The following RFX3 variants were observed in gnomAD, a reference collection of about 807,000 sequenced individuals.
RFX3 encodes the protein regulatory factor X3, also known as transcription factor RFX3.
In RFX3, 14 loss-of-function variants were observed where a neutral mutation model predicts 98.6. The observed-to-expected ratio is 0.14, with a 90% CI of 0.09 to 0.22. The LOEUF (loss-of-function observed/expected upper bound fraction) is 0.22. Ranked by LOEUF, RFX3 falls within the 10% of genes least tolerant of loss-of-function variation. The pLI is 1.00. For synonymous variants in RFX3, 383 were observed against 328.4 expected, an observed-to-expected ratio of 1.17 and a Z score of -1.80; for missense variants, 639 against 926.9, an observed-to-expected ratio of 0.69 and a Z score of 4.03.
intron 1 of RFX3, among the ~76,000 whole-genome samples, chr9:3,466,274 A>C (rs1205762764): frequency 6.6e-6 from 1 of 152,226 alleles, no homozygotes; most frequent in African/African-American, 2.4e-5. Context: ...GCTTAAGGTC[A>C]TATAGCCAAA....
rs201172509 is a variant in RFX3, at chr9:3,251,851, C to CT, written c.1815-3667dup. Among the ~76,000 whole-genome samples the CT allele has an allele frequency of 1.9e-3, 286 of 151,488 alleles. 7 individuals are homozygous for CT. In the East Asian group the frequency reaches 0.038, roughly 20 times the overall value. ...TTTAGGCCTTTCTATTTCTCTTTCT[C>CT]TTTTTTTTGTTTTTGAGATGGAGTC... On this transcript the variant is annotated intron_variant, in intron 14 of 16. Coordinates refer to ENST00000617270, the MANE Select transcript of RFX3 (RefSeq NM_001282116.2).
intron 2 of RFX3, among the ~76,000 whole-genome samples, chr9:3,375,360 G>A (rs1238861303): frequency 6.6e-6 from 1 of 152,164 alleles, no homozygotes; most frequent in Non-Finnish European, 1.5e-5. Context: ...ACCACACCAT[G>A]ATGTAGCTTA....
At chr9:3,427,447 T>C (rs980041947) in intron 1 of RFX3, among the ~76,000 whole-genome samples, 7 of 144,164 alleles carry the variant, frequency 4.9e-5, no homozygotes, top group Non-Finnish European at 7.5e-5. Flanking sequence ...TATATTGTTA[T>C]ATAATAATAC....
intron 15 of RFX3, among the ~76,000 whole-genome samples, chr9:3,231,486 G>T (rs1818437263): frequency 3.3e-5 from 5 of 152,116 alleles, no homozygotes; most frequent in Admixed American, 2.0e-4. Flanking sequence ...GATCAATTTG[G>T]AAATATTCCT....
Position 3,301,616 on chromosome 9 carries a change from T to G in RFX3, c.479A>C (p.Glu160Ala). ...HTTRASPATIEMAIETLQKSD... is the reference protein window; with the variant it reads ...HTTRASPATIAMAIETLQKSD... ...CTTTTGCAGCGTCTCAATCGCCATT[T>G]CAATCTGATAATAGATGTCATTAAA... Residue 160 changes from glutamate to alanine, a missense_variant, in exon 5 of 17, where the codon GAA becomes GCA. Transcript: ENST00000617270. 1 of 1,599,840 alleles carries G rather than the reference T, an allele frequency of 6.3e-7. No individual in the cohort carries two copies. The highest frequency in any genetic ancestry group is 8.5e-7 in the Non-Finnish European group (1 of 1,169,736).
intron 4 of RFX3, among the ~76,000 whole-genome samples, chr9:3,309,645 T>G (rs1399408762): frequency 1.3e-5 from 2 of 152,176 alleles, no homozygotes; most frequent in Non-Finnish European, 2.9e-5. Flanking sequence ...TCTTCCCATG[T>G]TCAAAGAAGG....
At chr9:3,250,781 A>C (rs570577446) in intron 14 of RFX3, among the ~76,000 whole-genome samples, 47 of 152,256 alleles carry the variant, frequency 3.1e-4, no homozygotes, top group African/African-American at 1.1e-3. Flanking sequence ...AGTAGACATA[A>C]GTAGTAACAT....
At chr9:3,361,661 G>GA (rs71324242) in intron 2 of RFX3, among the ~76,000 whole-genome samples, 5,823 of 87,676 alleles carry the variant, frequency 0.066, 157 homozygotes, top group Middle Eastern at 0.12. Context: ...GTTTCTTTAG[G>GA]AAAAAAAAAA....
At chr9:3,380,468 T>G (rs940959951) in intron 2 of RFX3, among the ~76,000 whole-genome samples, 8 of 152,158 alleles carry the variant, frequency 5.3e-5, no homozygotes, top group African/African-American at 1.4e-4. Context: ...CAAACAGGGT[T>G]CATGGCTCAT....
At chr9:3,345,725 T>A (rs999917755) in intron 3 of RFX3, among the ~76,000 whole-genome samples, 1 of 152,274 alleles carries the variant, frequency 6.6e-6, no homozygotes, top group Admixed American at 6.5e-5. Context: ...TTAGTTATAA[T>A]AATAATAGAT....
chr9:3,455,538 G>C (rs1275584233), intron 1 of RFX3, among the ~76,000 whole-genome samples: 1 of 152,180 alleles, frequency 6.6e-6, no homozygotes, highest in Admixed American at 6.5e-5. Context: ...GTGCCATAAA[G>C]AGTAAAAAGG....
intron 1 of RFX3, among the ~76,000 whole-genome samples, chr9:3,414,932 GTA>G (rs907459113): frequency 5.3e-5 from 7 of 132,236 alleles, no homozygotes; most frequent in Non-Finnish European, 1.1e-4. Flanking sequence ...TCATATGTGT[GTA>G]TATATATACA....
intron 3 of RFX3, among the ~76,000 whole-genome samples, chr9:3,332,690 G>C (rs1353644323): frequency 6.6e-6 from 1 of 152,170 alleles, no homozygotes; most frequent in Non-Finnish European, 1.5e-5. Flanking sequence ...AAAATCATCA[G>C]GGGGTCGTGC....
chr9:3,499,277 T>C (rs538992612), intron 1 of RFX3, among the ~76,000 whole-genome samples: 3 of 152,086 alleles, frequency 2.0e-5, no homozygotes, highest in South Asian at 2.1e-4. Context: ...ACTTCAATAA[T>C]AGAAAAATAA....
chr9:3,315,071 AT>A (rs200082763), intron 4 of RFX3, among the ~76,000 whole-genome samples: 2,786 of 152,276 alleles, frequency 0.018, 86 homozygotes, highest in African/African-American at 0.064. Context: ...CAGAATATAC[AT>A]TCTTCTCAGC....
intron 1 of RFX3, among the ~76,000 whole-genome samples, chr9:3,525,399 G>C (rs959412747): frequency 2.0e-5 from 3 of 152,176 alleles, no homozygotes; most frequent in Non-Finnish European, 4.4e-5. Context: ...AGACCTAAGG[G>C]AAAGATCCAG....
intron 6 of RFX3, among the ~76,000 whole-genome samples, chr9:3,290,500 C>G (rs1164806819): frequency 6.6e-6 from 1 of 151,950 alleles, no homozygotes; most frequent in Non-Finnish European, 1.5e-5. Flanking sequence ...AATATTGGCA[C>G]GGTATGCATA....
chr9:3,486,052 G>T (rs1287799620), intron 1 of RFX3, among the ~76,000 whole-genome samples: 1 of 148,192 alleles, frequency 6.7e-6, no homozygotes, highest in Non-Finnish European at 1.5e-5. Flanking sequence ...TTGAACCCAG[G>T]AGGCGGAGGT....
chr9:3,437,855 A>C (rs1289231263), intron 1 of RFX3, among the ~76,000 whole-genome samples: 1 of 152,090 alleles, frequency 6.6e-6, no homozygotes, highest in African/African-American at 2.4e-5. Context: ...TATTTCCTTA[A>C]AATTGGATAG....
Sources: gnomAD v4.1 joint callset for allele counts (sites outside exome capture counted in the v4.1 genomes callset) on GRCh38, gnomAD v4.1.1 for gene constraint, MANE v1.5 for transcripts, NCBI Gene and HGNC (gene_info 2026-07-23, HGNC 2026-07-21) for gene names.